Variants in TECPR2 observed in about 807,000 individuals in gnomAD.
TECPR2 encodes tectonin beta-propeller repeat-containing protein 2.
Under a neutral mutation model 138.1 loss-of-function variants are expected in TECPR2, and 65 were observed. The observed-to-expected ratio is 0.47, with a 90% CI of 0.39 to 0.58. TECPR2 has a LOEUF of 0.58. Among genes scored for constraint, TECPR2 ranks in the 20% least tolerant of loss-of-function variants. The pLI, the probability that TECPR2 is intolerant of heterozygous loss-of-function variation, is 0.00. For missense variants in TECPR2, 1,553 were observed against 1,824.5 expected, an observed-to-expected ratio of 0.85 and a Z score of 2.71; for synonymous variants, 746 against 749.8, an observed-to-expected ratio of 0.99 and a Z score of 0.08.
chr14:102,483,130 C>T (rs958627229), intron 17 of TECPR2, among the ~76,000 whole-genome samples: 41 of 152,150 alleles, frequency 2.7e-4, no homozygotes, highest in African/African-American at 7.2e-4. Context: ...GAATTACAGG[C>T]GTGAGCCACC....
rs1482724789 is a variant in TECPR2 at position 102,449,812 on chromosome 14, G to A, written c.3259G>A (p.Gly1087Ser). 10 of 1,614,144 alleles carry A rather than the reference G, an allele frequency of 6.2e-6. No individual in the cohort carries two copies. The highest frequency in any genetic ancestry group is 1.1e-5 in the South Asian group (1 of 91,084). ...QPSLLGVNNS[G>S]VWISSGKNEF... is the part of the protein sequence containing the mutation. Reference sequence around the variant, plus strand: ...AAGCCTTCTCGGGGTCAATAACAGCGGTGTCTGGATCTCCTCGGGCAAGAA... The same window carrying A: ...AAGCCTTCTCGGGGTCAATAACAGCAGTGTCTGGATCTCCTCGGGCAAGAA... Residue 1087 changes from glycine (G) to serine (S), a missense_variant, in exon 14 of 20, where the codon GGT becomes AGT. Physicochemically the swap from Gly to Ser is moderately conservative, Grantham distance 56. Transcript: ENST00000359520.
rs776605062 is a variant in TECPR2 at position 102,435,079 on chromosome 14, G to A, written c.2262G>A (p.Glu754=). 1.1e-5 allele frequency: 18 copies of A among 1,613,998 alleles called. No homozygotes were observed. The highest frequency in any genetic ancestry group is 1.5e-5 in the Non-Finnish European group (18 of 1,180,034). ...ATCAGACATTGACGTCCAGCGATGA[G>A]GAGGACATCTATGCCCACGGGCTTC... The part of the protein sequence containing the change: ...PRDQTLTSSD[E]EDIYAHGLPS... The change falls in exon 9 of 20, where the codon GAG becomes GAA. Residue 754 remains glutamate (E), a synonymous_variant. Coordinates refer to ENST00000359520, the MANE Select transcript of TECPR2 (RefSeq NM_014844.5).
intron 16 of TECPR2, among the ~76,000 whole-genome samples, chr14:102,455,645 C>T (rs980775387): frequency 3.3e-5 from 5 of 152,148 alleles, no homozygotes; most frequent in Non-Finnish European, 7.4e-5. Context: ...GAGTTTCGCT[C>T]TGTCGCCCAG....
chr14:102,381,987 A>T (rs1013908407), intron 2 of TECPR2, among the ~76,000 whole-genome samples: 1 of 152,190 alleles, frequency 6.6e-6, no homozygotes, highest in African/African-American at 2.4e-5. Flanking sequence ...ATTGATTCTA[A>T]GTAGATTTTG....
At chr14:102,427,316 GC>G (rs1889349873) in intron 6 of TECPR2, among the ~76,000 whole-genome samples, 1 of 152,150 alleles carries the variant, frequency 6.6e-6, no homozygotes, top group Non-Finnish European at 1.5e-5. Flanking sequence ...TTTACCCGAT[GC>G]TTTACCCAGT....
chr14:102,445,005 G>C (rs1889933272), intron 12 of TECPR2, among the ~76,000 whole-genome samples: 1 of 152,186 alleles, frequency 6.6e-6, no homozygotes, highest in African/African-American at 2.4e-5. Flanking sequence ...GCTAGGGGCT[G>C]GGTGCGCCAA....
At chr14:102,483,249 A>G (rs1890934492) in intron 17 of TECPR2, among the ~76,000 whole-genome samples, 2 of 152,072 alleles carry the variant, frequency 1.3e-5, no homozygotes, top group South Asian at 4.2e-4. Context: ...GAACAGATAC[A>G]TAGTGGTATG....
At chr14:102,396,587 A>G (rs982087303) in intron 2 of TECPR2, among the ~76,000 whole-genome samples, 1 of 152,182 alleles carries the variant, frequency 6.6e-6, no homozygotes, top group African/African-American at 2.4e-5. Flanking sequence ...CTGTCTCCAC[A>G]CCTAGACATC....
In TECPR2 at chr14:102,499,147, T is replaced by TACAC. The variant is rs1567367505; in HGVS notation, c.*890_*891insACAC. ...CTGATGGGTGCAAATGGAACCTGGATGTGTGCACGTGTGTCCCAGGTAGGG... is the reference window on the plus strand; with the variant it reads ...CTGATGGGTGCAAATGGAACCTGGATACACGTGTGCACGTGTGTCCCAGGTAGGG... On this transcript the variant is annotated 3_prime_UTR_variant, in exon 20 of 20. Transcript: ENST00000359520. The TACAC allele has an allele frequency of 2.8e-6, 2 of 702,968 alleles. No homozygotes were observed. The highest frequency in any genetic ancestry group is 3.0e-5 in the South Asian group (2 of 67,596). 43.5% of individuals were successfully genotyped at this position (702,968 alleles called of 1,614,324 possible).
chr14:102,373,035 T>C (rs971941219), intron 1 of TECPR2, among the ~76,000 whole-genome samples: 1 of 152,230 alleles, frequency 6.6e-6, no homozygotes, highest in Non-Finnish European at 1.5e-5. Flanking sequence ...ATGTATGCAC[T>C]CTTTAAGGAA....
chr14:102,458,442 G>A (rs1890325780), intron 16 of TECPR2, among the ~76,000 whole-genome samples: 1 of 152,092 alleles, frequency 6.6e-6, no homozygotes, highest in East Asian at 1.9e-4. Context: ...ATGGCTCCAC[G>A]CTGCCACTAG....
At chr14:102,369,310 C>T (rs1339243022) in intron 1 of TECPR2, among the ~76,000 whole-genome samples, 3 of 152,128 alleles carry the variant, frequency 2.0e-5, no homozygotes, top group South Asian at 2.1e-4. Flanking sequence ...TCAAATCAAG[C>T]GGATGGATTC....
intron 1 of TECPR2, among the ~76,000 whole-genome samples, chr14:102,367,484 G>A (rs543135495): frequency 6.6e-6 from 1 of 152,230 alleles, no homozygotes; most frequent in East Asian, 1.9e-4. Context: ...TAGACATTTT[G>A]TATACATGGA....
At chr14:102,474,505 TC>T (rs1192728747) in intron 17 of TECPR2, among the ~76,000 whole-genome samples, 2 of 150,114 alleles carry the variant, frequency 1.3e-5, no homozygotes, top group Non-Finnish European at 3.0e-5. Flanking sequence ...ATGCCTGTAA[TC>T]CCAGCTACTC....
chr14:102,498,048 C>T, intron 19 of TECPR2, 55 bp from the exon 20 acceptor site: 2 of 1,582,716 alleles, frequency 1.3e-6, no homozygotes, highest in Non-Finnish European at 8.6e-7. Flanking sequence ...TCCATCTGTG[C>T]CCACCCCACA....
chr14:102,365,666 T>C (rs1319934895), intron 1 of TECPR2, among the ~76,000 whole-genome samples: 7 of 152,194 alleles, frequency 4.6e-5, no homozygotes, highest in Non-Finnish European at 8.8e-5. Context: ...ATCTCCAGAA[T>C]AGGCGAACTG....
intron 1 of TECPR2, among the ~76,000 whole-genome samples, chr14:102,375,831 T>G (rs1351086253): frequency 6.6e-6 from 1 of 152,162 alleles, no homozygotes; most frequent in African/African-American, 2.4e-5. Context: ...GGCTGTTTGA[T>G]CTTGAGTGAG....
At chr14:102,375,236 C>T (rs961701278) in intron 1 of TECPR2, among the ~76,000 whole-genome samples, 2 of 151,552 alleles carry the variant, frequency 1.3e-5, no homozygotes, top group African/African-American at 2.4e-5. Flanking sequence ...GTCCCAGCTA[C>T]GTGGGAGGTG....
intron 4 of TECPR2, 121 bp from the exon 5 acceptor site, chr14:102,414,515 C>T (rs139089469): frequency 3.0e-4 from 358 of 1,206,608 alleles, no homozygotes; most frequent in Non-Finnish European, 3.7e-4. Context: ...TGAAAGCATG[C>T]GTTAAGTAAG....
Sources: allele counts gnomAD v4.1 joint callset (sites outside exome capture counted in the v4.1 genomes callset), GRCh38; gene constraint gnomAD v4.1.1; transcripts MANE v1.5; gene names NCBI Gene and HGNC (gene_info 2026-07-23, HGNC 2026-07-21).